The following GEN1 variants were observed in gnomAD, a reference collection of about 807,000 sequenced individuals.
The protein encoded by GEN1 is GEN1 structure-specific endonuclease, also known as flap endonuclease GEN homolog 1.
Under a neutral mutation model 67.6 loss-of-function variants are expected in GEN1, and 64 were observed. The observed-to-expected ratio is 0.95, with a 90% CI of 0.77 to 1.17. The LOEUF is 1.17. Ranked by LOEUF, GEN1 falls within the 50% of genes most tolerant of loss-of-function variation. The pLI is 0.00. For synonymous variants in GEN1, 371 were observed against 359.4 expected, an observed-to-expected ratio of 1.03 and a Z score of -0.37; for missense variants, 1,058 against 1,048.3, an observed-to-expected ratio of 1.01 and a Z score of -0.13.
chr2:17,761,226 T>C (rs1203990670), intron 2 of GEN1, among the ~76,000 whole-genome samples, 170 bp from the exon 3 acceptor site: 1 of 152,098 alleles, frequency 6.6e-6, no homozygotes. Flanking sequence ...TGAGACTCTG[T>C]CAAAGAAAAA....
intron 11 of GEN1, among the ~76,000 whole-genome samples, chr2:17,774,687 A>G (rs566094176): frequency 5.3e-5 from 8 of 152,152 alleles, no homozygotes; most frequent in Admixed American, 1.3e-4. Flanking sequence ...AAAAGGAACA[A>G]ACGTGTTAAG....
chr2:17,767,350 G>A lies in GEN1; in HGVS notation c.636+661G>A, dbSNP rs1279963094. ...GTAGTTCCCTTATTATGTTCCTACT[G>A]ATTATTTCTGTATCCTTACAATCCG... is the stretch of plus-strand genomic sequence containing the variant. On this transcript the variant is annotated intron_variant, in intron 5 of 13. Transcript: ENST00000381254. Among the ~76,000 whole-genome samples, 5 of 152,078 alleles carry A rather than the reference G, an allele frequency of 3.3e-5. No homozygotes were observed. The East Asian group carries it at 9.6e-4, about 29-fold the overall frequency.
chr2:17,764,069 C>G (rs1242899350), intron 3 of GEN1, among the ~76,000 whole-genome samples: 1 of 152,184 alleles, frequency 6.6e-6, no homozygotes, highest in Non-Finnish European at 1.5e-5. Context: ...TAAGGCCAGA[C>G]TACAAGCTAC....
chr2:17,778,862 T>G (rs1016659156), intron 12 of GEN1, among the ~76,000 whole-genome samples: 1 of 152,144 alleles, frequency 6.6e-6, no homozygotes, highest in Non-Finnish European at 1.5e-5. Flanking sequence ...AGAAATACAG[T>G]GAACTCTGAA....
In GEN1 at chr2:17,786,905, G is replaced by T. The variant is rs1380559334; in HGVS notation, c.*4966G>T. 6.6e-6 allele frequency: 1 copy of T among 152,188 alleles called. No individual in the cohort carries two copies. Among genetic ancestry groups the T allele is most frequent in the East Asian group, 1.9e-4 (1 of 5,196 alleles). The allele number at this position is 152,188 out of a possible 1,614,324, so 9.4% of individuals were successfully genotyped here. On this transcript the variant is annotated 3_prime_UTR_variant, in exon 14 of 14. Transcript: ENST00000381254. ...CGCCCCACCCATGGAGCCTGTACCA[G>T]CAGTGGCTGCACTTAACCTTGCGGA...
In GEN1 at chr2:17,759,220, C is replaced by T. The variant is rs571558572; in HGVS notation, c.-15-709C>T. 3.9e-5 allele frequency among the ~76,000 whole-genome samples: 6 copies of T among 152,130 alleles called. No individual in the cohort carries two copies. The East Asian group carries it at 9.7e-4, about 24-fold the overall frequency. On this transcript the variant is annotated intron_variant, in intron 1 of 13. Coordinates refer to ENST00000381254, the MANE Select transcript of GEN1 (RefSeq NM_001130009.3). Reference sequence around the variant, plus strand: ...ACTTAATGTCTTTACCAAATAATAACAAAGGGAAAGAAAACCAAATATAGA... The same window carrying T: ...ACTTAATGTCTTTACCAAATAATAATAAAGGGAAAGAAAACCAAATATAGA...
intron 6 of GEN1, among the ~76,000 whole-genome samples, chr2:17,769,670 CATT>C (rs1672096571): frequency 1.3e-5 from 2 of 152,072 alleles, no homozygotes; most frequent in South Asian, 4.1e-4. Context: ...TTAATAATAA[CATT>C]AATTCGTTTA....
At chr2:17,772,887 CAT>C (rs1558404431) in intron 8 of GEN1, 103 bp downstream of exon 8, 3 of 1,121,522 alleles carry the variant, frequency 2.7e-6, no homozygotes, top group Non-Finnish European at 2.5e-6. Context: ...AGATTAGTCA[CAT>C]GTTTAACTAA....
At chr2:17,758,607 C>A (rs552873552) in intron 1 of GEN1, among the ~76,000 whole-genome samples, 1 of 152,084 alleles carries the variant, frequency 6.6e-6, no homozygotes, top group East Asian at 1.9e-4. Context: ...CAAATACTTT[C>A]TTTACCTTTA....
chr2:17,766,537 A>T (rs1671941949), intron 4 of GEN1, 42 bp from the exon 5 acceptor site: 1 of 1,004,032 alleles, frequency 1.0e-6, no homozygotes, highest in East Asian at 2.4e-5. Flanking sequence ...ATGTATAAAT[A>T]TGTACTTTTT....
chr2:17,781,341 A>G lies in GEN1; in HGVS notation c.2129A>G (p.Asn710Ser). 6.2e-7 allele frequency: 1 copy of G among 1,613,896 alleles called. No homozygotes were observed. The highest frequency in any genetic ancestry group is 8.5e-7 in the Non-Finnish European group (1 of 1,179,814). The stretch of plus-strand genomic sequence containing the variant: ...AGTGTAAAAGAATCTTGTATTGCTA[A>G]CAGTGGTTCTGATTGTACATCACAT... ...ILSVKESCIA[N>S]SGSDCTSHLS... Residue 710 changes from asparagine (N) to serine (S), a missense_variant, in exon 14 of 14, where the codon AAC becomes AGC. Asn to Ser is a conservative substitution (Grantham distance 46). Coordinates refer to ENST00000381254, the MANE Select transcript of GEN1 (RefSeq NM_001130009.3).
rs532897844 is a variant in GEN1, at chr2:17,787,421, A to T, written c.*5482A>T. The T allele has an allele frequency of 4.4e-4, 67 of 152,256 alleles. No individual in the cohort carries two copies. Among genetic ancestry groups the T allele is most frequent in the African/African-American group, 1.6e-3 (66 of 41,542 alleles). The allele number at this position is 152,256 out of a possible 1,614,324, so 9.4% of individuals were successfully genotyped here. Reference sequence around the variant, plus strand: ...TCTTCTGCCTCACCAACTCTTACCCATCGAGATTCAGTGTAAACGTGGTCT... The same window carrying T: ...TCTTCTGCCTCACCAACTCTTACCCTTCGAGATTCAGTGTAAACGTGGTCT... On this transcript the variant is annotated 3_prime_UTR_variant, in exon 14 of 14. Coordinates refer to ENST00000381254, the MANE Select transcript of GEN1 (RefSeq NM_001130009.3).
At chr2:17,753,422 G>C (rs754573144), upstream of GEN1, among the ~76,000 whole-genome samples, 1 of 152,236 alleles carries the variant, frequency 6.6e-6, no homozygotes, top group Non-Finnish European at 1.5e-5. Flanking sequence ...CCGCCTCGGA[G>C]AGCGCGCGAA....
intron 11 of GEN1, among the ~76,000 whole-genome samples, 188 bp from the exon 12 acceptor site, chr2:17,777,810 GAACT>G (rs1312586066): frequency 1.3e-5 from 2 of 151,774 alleles, no homozygotes; most frequent in Admixed American, 6.6e-5. Context: ...TTACTTAGAA[GAACT>G]AACAGTAATA....
upstream of GEN1, chr2:17,753,635 G>A (rs1317474552): frequency 1.3e-5 from 2 of 152,284 alleles, no homozygotes; most frequent in African/African-American, 2.4e-5. Flanking sequence ...CCGCCAACAA[G>A]TCGAAGTCTC....
rs770440644 is a variant in GEN1 at position 17,772,659 on chromosome 2, T to C, written c.828T>C (p.Asn276=). The part of the protein sequence containing the change: ...HPGSPKDHER[N]GCRLCKSDKY... ...GTTCACCTAAGGATCATGAACGTAA[T>C]GGATGCAGATTATGTAAAAGTGATA... is the stretch of plus-strand genomic sequence containing the variant. The change falls in exon 8 of 14, where the codon AAT becomes AAC. Residue 276 remains asparagine, a synonymous_variant. Coordinates refer to ENST00000381254, the MANE Select transcript of GEN1 (RefSeq NM_001130009.3). The C allele has an allele frequency of 1.7e-5, 28 of 1,611,138 alleles. No individual in the cohort carries two copies. Among genetic ancestry groups the C allele is most frequent in the Non-Finnish European group, 2.3e-5 (27 of 1,178,492 alleles).
In GEN1 at chr2:17,768,705, A is replaced by G. The variant is rs1250372653; in HGVS notation, c.637-33A>G. 6 of 1,470,304 alleles carry G rather than the reference A, an allele frequency of 4.1e-6. No homozygotes were observed. The South Asian group carries it at 6.9e-5, about 17-fold the overall frequency. 91.1% of individuals were successfully genotyped at this position (1,470,304 alleles called of 1,614,324 possible). On this transcript the variant is annotated intron_variant, in intron 5 of 13. Coordinates refer to ENST00000381254, the MANE Select transcript of GEN1 (RefSeq NM_001130009.3). ...CTTTTAACCATTCCTAGTGATTAAC[A>G]TTGGAATTATTTTTTTTCCCACTTT...
intron 1 of GEN1, chr2:17,754,805 C>G (rs1017615009): frequency 6.6e-6 from 1 of 152,186 alleles, no homozygotes; most frequent in Non-Finnish European, 1.5e-5. Flanking sequence ...GTCTTTCCCC[C>G]ACGGTAACCT....
chr2:17,764,749 C>A, intron 3 of GEN1, 148 bp from the exon 4 acceptor site: 1 of 680,158 alleles, frequency 1.5e-6, no homozygotes, highest in Non-Finnish European at 2.3e-6. Context: ...AGTCATTGTT[C>A]AAATTTCCAA....
Sources: allele counts gnomAD v4.1 joint callset (sites outside exome capture counted in the v4.1 genomes callset), GRCh38; gene constraint gnomAD v4.1.1; transcripts MANE v1.5; gene names NCBI Gene and HGNC (gene_info 2026-07-23, HGNC 2026-07-21).